The following DRC1 variants were observed in gnomAD, a reference collection of about 807,000 sequenced individuals.
DRC1 encodes dynein regulatory complex subunit 1.
Under a neutral mutation model 98.7 loss-of-function variants are expected in DRC1, and 74 were observed. The observed-to-expected ratio is 0.75, with a 90% confidence interval of 0.62 to 0.91. DRC1 has a LOEUF of 0.91. Ranked by LOEUF, DRC1 falls within the 40% of genes least tolerant of loss-of-function variation. The pLI, the probability that DRC1 is intolerant of heterozygous loss-of-function variation, is 0.00. For missense variants in DRC1, 875 were observed against 886.0 expected, an observed-to-expected ratio of 0.99 and a Z score of 0.16; for synonymous variants, 336 against 334.1, an observed-to-expected ratio of 1.01 and a Z score of -0.06.
chr2:26,407,982 C>T (rs1678479134), intron 1 of DRC1, among the ~76,000 whole-genome samples: 1 of 152,170 alleles, frequency 6.6e-6, no homozygotes, highest in Non-Finnish European at 1.5e-5. Context: ...GCGTTTCCTA[C>T]CTCCTCACCT....
chr2:26,402,933 T>A (rs2147972963), intron 1 of DRC1, among the ~76,000 whole-genome samples: 1 of 152,344 alleles, frequency 6.6e-6, no homozygotes, highest in East Asian at 1.9e-4. Context: ...TATTTTAGGC[T>A]TTTCGGATCA....
chr2:26,449,249 C>A (rs116739504), intron 11 of DRC1, among the ~76,000 whole-genome samples: 5,890 of 152,314 alleles, frequency 0.039, 307 homozygotes, highest in African/African-American at 0.12. Context: ...ACATGATTAG[C>A]CTTAGAATAA....
At position 26,456,460 on chromosome 2, in the gene DRC1, G is replaced by C. The variant is rs1361527595; in HGVS notation, c.2167-1G>C. The C allele has an allele frequency of 1.9e-6, 3 of 1,614,026 alleles. No homozygotes were observed. Among genetic ancestry groups the C allele is most frequent in the South Asian group, 2.2e-5 (2 of 91,078 alleles). On this transcript the variant is annotated splice_acceptor_variant, in intron 16 of 16. Coordinates refer to ENST00000288710, the MANE Select transcript of DRC1 (RefSeq NM_145038.5). LOFTEE classifies it high-confidence loss of function. ...AACGACTTTCACCCTTTCTTTTCCA[G>C]ATCAACTCTGAACTGCAAGTTCCTC...
Position 26,450,672 on chromosome 2 carries a change from C to T in DRC1, c.1680C>T (p.Ser560=). Reference sequence around the variant, plus strand: ...AATATCGAGCTCACCGTTTATCTTCCAGCCTCCAGGTAAGGCAAGGTGCAG... The same window carrying T: ...AATATCGAGCTCACCGTTTATCTTCTAGCCTCCAGGTAAGGCAAGGTGCAG... ...FLKYRAHRLS[S]SLQIKPCSQA... is the part of the protein sequence containing the mutation. The change falls in exon 13 of 17, where the codon TCC becomes TCT. Residue 560 remains serine (S), a synonymous_variant. Transcript: ENST00000288710. The T allele has an allele frequency of 1.2e-6, 2 of 1,611,210 alleles. No homozygotes were observed. The highest frequency in any genetic ancestry group is 1.7e-6 in the Non-Finnish European group (2 of 1,178,332).
chr2:26,449,968 C>T, intron 11 of DRC1, 28 bp from the exon 12 acceptor site: 2 of 1,606,482 alleles, frequency 1.2e-6, no homozygotes, highest in Non-Finnish European at 1.7e-6. Context: ...CTGTCCCCGA[C>T]AGGAGATGCC....
intron 3 of DRC1, 85 bp downstream of exon 3, chr2:26,421,485 C>A (rs111807831): frequency 1.8e-4 from 192 of 1,044,932 alleles, no homozygotes; most frequent in Non-Finnish European, 2.6e-4. Context: ...TGGAGGGTGA[C>A]TTTGTCCACC....
intron 3 of DRC1, among the ~76,000 whole-genome samples, chr2:26,423,205 T>G (rs372172259): frequency 6.6e-6 from 1 of 152,172 alleles, no homozygotes; most frequent in African/African-American, 2.4e-5. Flanking sequence ...CACAGAGGAA[T>G]GCTGAAGGTC....
chr2:26,402,002 G>C lies in DRC1; in HGVS notation c.13G>C (p.Gly5Arg), dbSNP rs1678255941. The C allele has an allele frequency of 2.5e-6, 4 of 1,607,464 alleles. No homozygotes were observed. Among genetic ancestry groups the C allele is most frequent in the African/African-American group, 2.7e-5 (2 of 74,838 alleles). MNPP[G>R]SLEALDPNVD... ...AGGGACTCCTGCCATGAATCCGCCG[G>C]GGTCCCTAGAGGCCCTGGACCCGAA... The change falls in exon 1 of 17, where the codon GGG (glycine) becomes CGG (arginine). Residue 5 changes from glycine to arginine, a missense_variant. By Grantham distance (125) the Gly-to-Arg change is moderately radical (BLOSUM62 -2). Transcript: ENST00000288710.
chr2:26,427,412 G>C (rs1663313398), intron 4 of DRC1, among the ~76,000 whole-genome samples: 1 of 151,958 alleles, frequency 6.6e-6, no homozygotes, highest in African/African-American at 2.4e-5. Flanking sequence ...CACCGCACCT[G>C]AGCTTTTTTT....
intron 2 of DRC1, among the ~76,000 whole-genome samples, chr2:26,418,677 AT>A (rs1678927159): frequency 1.1e-5 from 1 of 88,386 alleles, no homozygotes; most frequent in Non-Finnish European, 2.0e-5. Flanking sequence ...TAAATTAAAT[AT>A]AATTTATATT....
Position 26,444,204 on chromosome 2 carries a change from T to C in DRC1, c.1029-18T>C. On this transcript the variant is annotated intron_variant, in intron 8 of 16. Coordinates refer to ENST00000288710, the MANE Select transcript of DRC1 (RefSeq NM_145038.5). ...CCTTCTATTCAGCTGCAGACTAACC[T>C]TTTTCTCCTTCAACCAGCCTGCATG... is the stretch of plus-strand genomic sequence containing the variant. The C allele has an allele frequency of 6.2e-7, 1 of 1,613,610 alleles. No individual in the cohort carries two copies. The highest frequency in any genetic ancestry group is 1.1e-5 in the South Asian group (1 of 91,050).
intron 2 of DRC1, among the ~76,000 whole-genome samples, chr2:26,418,601 TAATATATA>T (rs1678910162): frequency 7.4e-5 from 7 of 95,050 alleles, no homozygotes; most frequent in African/African-American, 3.5e-4. Flanking sequence ...ATAATTTATA[TAATATATA>T]AATTATATAT....
chr2:26,443,972 A>C (rs1298560230), intron 8 of DRC1, among the ~76,000 whole-genome samples: 1 of 151,884 alleles, frequency 6.6e-6, no homozygotes, highest in Non-Finnish European at 1.5e-5. Context: ...CTTGAGTAGG[A>C]GGCTGCCTCT....
In DRC1 at chr2:26,424,203, C is replaced by T. The variant is rs77720720; in HGVS notation, c.357-68C>T. On this transcript the variant is annotated intron_variant, in intron 3 of 16. Transcript: ENST00000288710. ...CTTATATTCTAGAGATTCTAGAGAA[C>T]GTACCTGCTCTACTGGAAGGCAGCA... The T allele has an allele frequency of 5.2e-3, 8,166 of 1,574,636 alleles. 278 individuals carry two copies. In the African/African-American group the frequency reaches 0.08, roughly 15 times the overall value.
At chr2:26,418,661 A>G (rs1259479420) in intron 2 of DRC1, among the ~76,000 whole-genome samples, 2 of 84,390 alleles carry the variant, frequency 2.4e-5, no homozygotes, top group Admixed American at 3.4e-4. Context: ...TAAATTATAT[A>G]TTATATAAAT....
intron 10 of DRC1, 146 bp from the exon 11 acceptor site, chr2:26,448,545 C>A: frequency 2.3e-6 from 2 of 855,936 alleles, no homozygotes; most frequent in Non-Finnish European, 3.9e-6. Flanking sequence ...CTTTTTTCAT[C>A]ATAAAGAGAC....
intron 1 of DRC1, among the ~76,000 whole-genome samples, chr2:26,413,587 C>T (rs1197975938): frequency 2.0e-5 from 3 of 152,122 alleles, no homozygotes; most frequent in Admixed American, 6.5e-5. Context: ...TGAAGCTGAC[C>T]ATATTTTCAA....
At chr2:26,428,407 C>A (rs532314257) in intron 4 of DRC1, among the ~76,000 whole-genome samples, 1 of 152,330 alleles carries the variant, frequency 6.6e-6, no homozygotes, top group South Asian at 2.1e-4. Context: ...TGCTCCTAGG[C>A]TACAAACCTG....
chr2:26,453,240 G>A, intron 13 of DRC1, 80 bp from the exon 14 acceptor site: 1 of 1,541,364 alleles, frequency 6.5e-7, no homozygotes, highest in Non-Finnish European at 8.8e-7. Flanking sequence ...AACTTTTCTG[G>A]TTTTTCTTCT....
Sources: gnomAD v4.1 joint callset for allele counts (sites outside exome capture counted in the v4.1 genomes callset) on GRCh38, gnomAD v4.1.1 for gene constraint, MANE v1.5 for transcripts, NCBI Gene and HGNC (gene_info 2026-07-23, HGNC 2026-07-21) for gene names.